The following DMD variants were observed in gnomAD, a reference collection of about 807,000 sequenced individuals.
DMD encodes dystrophin.
A neutral mutation model predicts 330.1 loss-of-function variants in DMD; 63 were observed. That is an observed-to-expected ratio of 0.19 (90% CI 0.16 to 0.24). DMD has a LOEUF of 0.24. Among genes scored for constraint, DMD ranks in the 10% least tolerant of loss-of-function variants. The pLI is 1.00. For missense variants in DMD, 3,344 were observed against 2,684.1 expected, an observed-to-expected ratio of 1.25 and a Z score of -5.43; for synonymous variants, 1,223 against 959.8, an observed-to-expected ratio of 1.27 and a Z score of -5.07.
chrX:33,193,974 A>C (rs1211572323), intron 1 of DMD, among the ~76,000 whole-genome samples: 1 of 110,661 alleles, frequency 9.0e-6, no homozygotes, highest in African/African-American at 3.3e-5. Flanking sequence ...GGTTTGCGGC[A>C]TCCAGGAGTA....
At chrX:32,620,987 G>T (rs1184733117) in intron 11 of DMD, among the ~76,000 whole-genome samples, 1 of 111,202 alleles carries the variant, frequency 9.0e-6, no homozygotes, top group African/African-American at 3.3e-5. Flanking sequence ...TACGGATGGA[G>T]AGGCAAGGAA....
chrX:32,560,354 T>G (rs1388008822), intron 16 of DMD, among the ~76,000 whole-genome samples: 1 of 111,278 alleles, frequency 9.0e-6, no homozygotes, highest in Admixed American at 9.6e-5. Context: ...CAACAGCACA[T>G]GTGATTTCAG....
intron 44 of DMD, among the ~76,000 whole-genome samples, chrX:32,068,077 G>A (rs2096271765): frequency 1.8e-5 from 2 of 111,274 alleles, no homozygotes; most frequent in Non-Finnish European, 1.9e-5. Flanking sequence ...ATCTCCTTGC[G>A]GTTTTGATTT....
At chrX:32,141,724 C>CACAT (rs564694131) in intron 44 of DMD, among the ~76,000 whole-genome samples, 2,443 of 103,344 alleles carry the variant, frequency 0.024, 74 homozygotes, top group Admixed American at 0.082. Flanking sequence ...CACACACACA[C>CACAT]GATCTTGCAT....
At chrX:31,547,028 G>C (rs1291570338) in intron 55 of DMD, among the ~76,000 whole-genome samples, 1 of 112,052 alleles carries the variant, frequency 8.9e-6, no homozygotes, top group Admixed American at 9.4e-5. Flanking sequence ...TTGGTATTCT[G>C]ACAGAAAAAA....
At chrX:31,793,455 G>T (rs1038339379) in intron 50 of DMD, among the ~76,000 whole-genome samples, 1 of 111,085 alleles carries the variant, frequency 9.0e-6, no homozygotes, top group Non-Finnish European at 1.9e-5. Flanking sequence ...CCCATCATAC[G>T]TTGAAAACAT....
chrX:33,306,547 TAGAA>T (rs1487130452), intron 1 of DMD, among the ~76,000 whole-genome samples: 1 of 110,461 alleles, frequency 9.1e-6, no homozygotes, highest in African/African-American at 3.3e-5. Flanking sequence ...TTTCCACTGA[TAGAA>T]TGGTAGAAGT....
intron 43 of DMD, among the ~76,000 whole-genome samples, chrX:32,235,496 A>G (rs756089988): frequency 9.0e-6 from 1 of 110,853 alleles, no homozygotes; most frequent in African/African-American, 3.3e-5. Flanking sequence ...TCTGGGGTTG[A>G]GGTACCCTGC....
intron 7 of DMD, among the ~76,000 whole-genome samples, chrX:32,724,704 A>G (rs983331944): frequency 8.9e-6 from 1 of 111,803 alleles, no homozygotes; most frequent in African/African-American, 3.2e-5. Context: ...TTACATAAGC[A>G]CAACTGAATA....
chrX:32,431,585 A>G (rs2098238507), intron 29 of DMD, among the ~76,000 whole-genome samples: 1 of 110,897 alleles, frequency 9.0e-6, no homozygotes, highest in Non-Finnish European at 1.9e-5. Context: ...CAGTCTGTAC[A>G]TTCTCTTTTA....
chrX:31,127,232 A>G (rs189463332), intron 77 of DMD, among the ~76,000 whole-genome samples: 94 of 112,064 alleles, frequency 8.4e-4, no homozygotes, highest in African/African-American at 3.0e-3. Context: ...GAAAACAGAA[A>G]GAACAGATGA....
intron 43 of DMD, among the ~76,000 whole-genome samples, chrX:32,260,788 T>TTAGAA (rs1467528016): frequency 0.055 from 5,699 of 103,786 alleles, 297 homozygotes; most frequent in Admixed American, 0.089. Context: ...CTTCTGCTTC[T>TTAGAA]TCGAATCAAA....
At chrX:32,840,078 A>G (rs190660576) in intron 4 of DMD, among the ~76,000 whole-genome samples, 5 of 112,170 alleles carry the variant, frequency 4.5e-5, no homozygotes, top group Admixed American at 3.8e-4. Context: ...CTTTGTTCCA[A>G]GTTTGGTTTC....
At chrX:32,784,417 C>A (rs1242461966) in intron 7 of DMD, among the ~76,000 whole-genome samples, 1 of 111,930 alleles carries the variant, frequency 8.9e-6, no homozygotes. Flanking sequence ...TGTGGACTTA[C>A]AATGACTTTT....
At chrX:32,286,591 T>G (rs770254219) in intron 43 of DMD, among the ~76,000 whole-genome samples, 1 of 111,840 alleles carries the variant, frequency 8.9e-6, no homozygotes, top group Non-Finnish European at 1.9e-5. Flanking sequence ...GAGATTATAG[T>G]ACCAAAGCTC....
chrX:31,420,973 G>A (rs1025186229), intron 60 of DMD, among the ~76,000 whole-genome samples: 10 of 111,986 alleles, frequency 8.9e-5, no homozygotes, highest in Non-Finnish European at 1.5e-4. Context: ...AGTGCCACAT[G>A]AAATCCAAGG....
At chrX:33,332,162 A>G (rs1028391047) in intron 1 of DMD, among the ~76,000 whole-genome samples, 2 of 111,651 alleles carry the variant, frequency 1.8e-5, no homozygotes, top group Admixed American at 9.6e-5. Context: ...ATATCTATAT[A>G]GAGTGGATTA....
chrX:32,245,586 A>G (rs1304901412), intron 43 of DMD, among the ~76,000 whole-genome samples: 1 of 79,081 alleles, frequency 1.3e-5, no homozygotes, highest in African/African-American at 5.3e-5. Flanking sequence ...GATTCTTCCT[A>G]CCCATGAGCA....
rs774569292 is a variant in DMD at position 32,037,009 on chromosome X, A to G, written c.6439-68495T>C. 3.6e-5 allele frequency among the ~76,000 whole-genome samples: 4 copies of G among 111,674 alleles called. No homozygotes were observed. The South Asian group carries it at 1.5e-3, about 42-fold the overall frequency. On this transcript the variant is annotated intron_variant, in intron 44 of 78. Coordinates refer to ENST00000357033, the MANE Select transcript of DMD (RefSeq NM_004006.3). ...ACCTCCCATGAGCCTTTGCTGCTAG[A>G]AGTCAATGTGCAGTGTGTTAAAGCA...
Sources: allele counts gnomAD v4.1 joint callset (sites outside exome capture counted in the v4.1 genomes callset), GRCh38; gene constraint gnomAD v4.1.1; transcripts MANE v1.5; gene names NCBI Gene and HGNC (gene_info 2026-07-23, HGNC 2026-07-21).